Variants in TWF1 observed in about 807,000 individuals in gnomAD.
TWF1 encodes the protein twinfilin actin binding protein 1.
TWF1 carries 14 observed loss-of-function variants against 47.9 expected under a neutral mutation model. That is an observed-to-expected ratio of 0.29 (90% CI 0.19 to 0.46). TWF1 has a LOEUF of 0.46. Among genes scored for constraint, TWF1 ranks in the 20% least tolerant of loss-of-function variants. The probability of loss-of-function intolerance (pLI) is 1.00; values close to 1 mark genes in which losing one functional copy is unlikely to be tolerated. For synonymous variants in TWF1, 96 were observed against 139.2 expected, an observed-to-expected ratio of 0.69 and a Z score of 2.18; for missense variants, 281 against 409.3, an observed-to-expected ratio of 0.69 and a Z score of 2.70.
chr12:43,806,071 G>A (rs1263912133), intron 1 of TWF1, 150 bp downstream of exon 1: 3 of 1,517,148 alleles, frequency 2.0e-6, no homozygotes, highest in Admixed American at 2.0e-5. Flanking sequence ...GGAAGCAGGA[G>A]CGCGGAGAGG....
In TWF1 at chr12:43,795,101, T is replaced by C. The variant is rs1244829588; in HGVS notation, c.*484A>G. Reference sequence around the variant, plus strand: ...AAAAGTTGCAGACATGATCCTACAGTCTGACAGAGCTAGCACAGCTACTCG... The same window carrying C: ...AAAAGTTGCAGACATGATCCTACAGCCTGACAGAGCTAGCACAGCTACTCG... On this transcript the variant is annotated 3_prime_UTR_variant, in exon 9 of 9. Coordinates refer to ENST00000395510, the MANE Select transcript of TWF1 (RefSeq NM_002822.5). The C allele has an allele frequency of 6.6e-6, 1 of 152,592 alleles. No homozygotes were observed. Among genetic ancestry groups the C allele is most frequent in the Admixed American group, 6.5e-5 (1 of 15,320 alleles). 9.5% of individuals were successfully genotyped at this position (152,592 alleles called of 1,614,324 possible).
At chr12:43,800,348 T>G in intron 4 of TWF1, 87 bp downstream of exon 4, 1 of 881,560 alleles carries the variant, frequency 1.1e-6, no homozygotes, top group Non-Finnish European at 1.8e-6. Context: ...ATTATCCATC[T>G]GAATTCGTAT....
In TWF1 at chr12:43,794,964, T is replaced by C. The variant is rs1942523815; in HGVS notation, c.*621A>G. ...TTCAATGTCATCAGAAATCCTGCAG[T>C]ATAGAAAATATCTGGTACCCTTAAA... is the stretch of plus-strand genomic sequence containing the variant. On this transcript the variant is annotated 3_prime_UTR_variant, in exon 9 of 9. Coordinates refer to ENST00000395510, the MANE Select transcript of TWF1 (RefSeq NM_002822.5). The C allele has an allele frequency of 1.3e-5, 2 of 152,174 alleles. No individual in the cohort carries two copies. Among genetic ancestry groups the C allele is most frequent in the South Asian group, 4.1e-4 (2 of 4,834 alleles). The allele number at this position is 152,174 out of a possible 1,614,324, so 9.4% of individuals were successfully genotyped here.
intron 2 of TWF1, 115 bp from the exon 3 acceptor site, chr12:43,802,579 C>A: frequency 1.3e-6 from 1 of 781,902 alleles, no homozygotes; most frequent in Non-Finnish European, 2.0e-6. Flanking sequence ...TTATTCACAT[C>A]AAAAAGTTGA....
At chr12:43,805,945 C>A (rs749074797) in intron 1 of TWF1, 2 of 1,536,408 alleles carry the variant, frequency 1.3e-6, no homozygotes, top group Non-Finnish European at 1.8e-6. Context: ...GGCACGCCCC[C>A]TTCAACCAGG....
chr12:43,802,267 C>G lies in TWF1; in HGVS notation c.282+19G>C. ...TTTCTAGCATTTAATGTTAAACAAA[C>G]TATAAAAAAGTTACTTACATGAGAA... On this transcript the variant is annotated intron_variant, in intron 3 of 8. Coordinates refer to ENST00000395510, the MANE Select transcript of TWF1 (RefSeq NM_002822.5). The G allele has an allele frequency of 6.8e-7, 1 of 1,478,852 alleles. No homozygotes were observed. Among genetic ancestry groups the G allele is most frequent in the Non-Finnish European group, 9.0e-7 (1 of 1,112,478 alleles). 91.6% of individuals were successfully genotyped at this position (1,478,852 alleles called of 1,614,324 possible). A position where few individuals can be genotyped will look rare whatever the true frequency, so the allele number is the denominator to read the frequency against.
chr12:43,795,528 C>T lies in TWF1; in HGVS notation c.*57G>A. 1.3e-6 allele frequency: 2 copies of T among 1,520,308 alleles called. No homozygotes were observed. Among genetic ancestry groups the T allele is most frequent in the South Asian group, 1.2e-5 (1 of 81,992 alleles). 94.2% of individuals were successfully genotyped at this position (1,520,308 alleles called of 1,614,324 possible). ...TCAACATGGAATGATTTCAGTTCTC[C>T]TGTACTAAAAGCTGGACTTTTAAAA... On this transcript the variant is annotated 3_prime_UTR_variant, in exon 9 of 9. Transcript: ENST00000395510.
At chr12:43,805,889 C>G in intron 1 of TWF1, 5 of 1,459,850 alleles carry the variant, frequency 3.4e-6, no homozygotes, top group Non-Finnish European at 4.6e-6. Context: ...CTCTTCCCTA[C>G]GTGACCAAAA....
intron 1 of TWF1, 95 bp from the exon 2 acceptor site, chr12:43,804,667 A>G: frequency 1.3e-6 from 1 of 786,210 alleles, no homozygotes. Context: ...CAAAGAAAAA[A>G]TCTGGAGCAT....
rs1484897249 is a variant in TWF1, at chr12:43,804,551, A to C, written c.47T>G (p.Ile16Ser). 1 of 1,603,578 alleles carries C rather than the reference A, an allele frequency of 6.2e-7. No individual in the cohort carries two copies. Among genetic ancestry groups the C allele is most frequent in the African/African-American group, 1.3e-5 (1 of 74,558 alleles). Reference protein sequence around the residue: ...GIQASEDVKEIFARARNGKYR... With the variant: ...GIQASEDVKESFARARNGKYR... ...CTTTCCATTTCTGGCTCTGGCAAAG[A>C]TCTCTTTAACATCTTCACTTGCTGT... is the stretch of plus-strand genomic sequence containing the variant. The change falls in exon 2 of 9, where the codon ATC becomes AGC. Residue 16 changes from isoleucine (I) to serine (S), a missense_variant. By Grantham distance (142) the Ile-to-Ser change is moderately radical. Transcript: ENST00000395510.
Position 43,806,230 on chromosome 12 carries a change from C to T in TWF1, c.16G>A (p.Gly6Ser). 2 of 1,539,350 alleles carry T rather than the reference C, an allele frequency of 1.3e-6. No individual in the cohort carries two copies. The highest frequency in any genetic ancestry group is 1.7e-6 in the Non-Finnish European group (2 of 1,144,166). ...CGCCGGGCGCTGTTACCTTGGATGC[C>T]GGTCTGGTGGGACATGGCGGCGGCC... is the stretch of plus-strand genomic sequence containing the variant. Reference protein sequence around the residue: MSHQTGIQASEDVKEI... With the variant: MSHQTSIQASEDVKEI... Residue 6 changes from glycine (G) to serine (S), a missense_variant, in exon 1 of 9, where the codon GGC becomes AGC. Gly to Ser is a moderately conservative substitution (Grantham distance 56). Coordinates refer to ENST00000395510, the MANE Select transcript of TWF1 (RefSeq NM_002822.5).
chr12:43,806,301 G>T lies in TWF1; in HGVS notation c.-56C>A. ...CTGAGTGCAGCCAGCGGCCCCGGCC[G>T]GCGGCCCCAGGAAGTGGCTGCTCCT... On this transcript the variant is annotated 5_prime_UTR_variant, in exon 1 of 9. Coordinates refer to ENST00000395510, the MANE Select transcript of TWF1 (RefSeq NM_002822.5). 1 of 1,447,812 alleles carries T rather than the reference G, an allele frequency of 6.9e-7. No homozygotes were observed. The highest frequency in any genetic ancestry group is 9.1e-7 in the Non-Finnish European group (1 of 1,100,992). The allele number at this position is 1,447,812 out of a possible 1,614,324, so 89.7% of individuals were successfully genotyped here.
rs762627379 is a variant in TWF1, at chr12:43,797,838, G to GT, written c.484-6dup. ...CACACCCACGTCAGTCTGTACCTAA[G>GT]TATGACAGATTTAATTTACAAGTTT... On this transcript the variant is annotated splice_polypyrimidine_tract_variant and splice_region_variant and intron_variant, in intron 5 of 8. Transcript: ENST00000395510. 9 of 1,608,726 alleles carry GT rather than the reference G, an allele frequency of 5.6e-6. No individual in the cohort carries two copies. The South Asian group carries it at 8.9e-5, about 16-fold the overall frequency.
In TWF1 at chr12:43,802,404, G is replaced by A. The variant is rs1380842416; in HGVS notation, c.164C>T (p.Ser55Phe). 5.6e-6 allele frequency: 9 copies of A among 1,606,132 alleles called. No individual in the cohort carries two copies. The highest frequency in any genetic ancestry group is 7.6e-6 in the Non-Finnish European group (9 of 1,177,102). Residue 55 changes from serine (S) to phenylalanine (F), a missense_variant, in exon 3 of 9, where the codon TCC becomes TTC. Coordinates refer to ENST00000395510, the MANE Select transcript of TWF1 (RefSeq NM_002822.5). ...PSDSWDKDYD[S>F]FVLPLLEDKQ... ...GTCCTCCAACAGGGGTAAAACAAAG[G>A]AATCATAATCCTTATCCCAGGAATC...
intron 5 of TWF1, chr12:43,798,669 TTAAAA>T: frequency 7.3e-7 from 1 of 1,360,732 alleles, no homozygotes; most frequent in East Asian, 2.5e-5. Context: ...ATAATATGAA[TTAAAA>T]TAATATGATA....
chr12:43,797,130 C>CA (rs1351303051), intron 7 of TWF1, 33 bp from the exon 8 acceptor site: 1 of 1,542,242 alleles, frequency 6.5e-7, no homozygotes, highest in Non-Finnish European at 8.8e-7. Context: ...ATATAATTAG[C>CA]ATATCAATAC....
chr12:43,797,186 C>G, intron 7 of TWF1, 89 bp from the exon 8 acceptor site: 3 of 1,480,758 alleles, frequency 2.0e-6, no homozygotes, highest in Middle Eastern at 2.0e-4. Flanking sequence ...AAAACAAGTA[C>G]AGAAACTTCA....
At position 43,797,834 on chromosome 12, in the gene TWF1, C is replaced by G; in HGVS notation, c.484-1G>C. The G allele has an allele frequency of 1.2e-6, 2 of 1,609,370 alleles. No individual in the cohort carries two copies. The highest frequency in any genetic ancestry group is 1.7e-6 in the Non-Finnish European group (2 of 1,178,134). On this transcript the variant is annotated splice_acceptor_variant, in intron 5 of 8. Transcript: ENST00000395510. LOFTEE classifies it high-confidence loss of function. The stretch of plus-strand genomic sequence containing the variant: ...TGTCCACACCCACGTCAGTCTGTAC[C>G]TAAGTATGACAGATTTAATTTACAA...
intron 5 of TWF1, among the ~76,000 whole-genome samples, chr12:43,798,110 T>C (rs1311769043): frequency 6.6e-6 from 1 of 152,128 alleles, no homozygotes; most frequent in Non-Finnish European, 1.5e-5. Flanking sequence ...GCACAATTTC[T>C]TTAGAGTGTC....
Sources: allele counts gnomAD v4.1 joint callset (sites outside exome capture counted in the v4.1 genomes callset), GRCh38; gene constraint gnomAD v4.1.1; transcripts MANE v1.5; gene names NCBI Gene and HGNC (gene_info 2026-07-23, HGNC 2026-07-21).